The following LIMK1 variants were observed in gnomAD, a reference collection of about 807,000 sequenced individuals.
LIMK1 encodes the protein LIM motif-containing protein kinase.
LIMK1 carries 21 observed loss-of-function variants against 77.6 expected under a neutral mutation model. The ratio of observed to expected loss-of-function variants is 0.27; its 90% CI spans 0.19 to 0.39. The LOEUF is 0.39. Ranked by LOEUF, LIMK1 falls within the 10% of genes least tolerant of loss-of-function variation. The probability of loss-of-function intolerance (pLI) is 1.00; values close to 1 mark genes in which losing one functional copy is unlikely to be tolerated. For synonymous variants in LIMK1, 358 were observed against 370.0 expected (o/e 0.97, Z 0.37); for missense variants, 696 against 901.6 (o/e 0.77, Z 2.92).
chr7:74,111,995 C>A lies in LIMK1; in HGVS notation c.1407C>A (p.Arg469=). ...RDLNSHNCLV[R]ENKNVVVADF... is the part of the protein sequence containing the mutation. The stretch of plus-strand genomic sequence containing the variant: ...TCAACTCCCACAACTGCCTGGTCCG[C>A]GAGGTGAGTACCAGGGCCCCACGTG... Residue 469 remains arginine (R), a synonymous_variant, in exon 12 of 16, where the codon CGC becomes CGA. Transcript: ENST00000336180. 4 of 1,607,836 alleles carry A rather than the reference C, an allele frequency of 2.5e-6. No individual in the cohort carries two copies. The highest frequency in any genetic ancestry group is 2.5e-6 in the Non-Finnish European group (3 of 1,176,814).
chr7:74,085,470 G>A (rs1336730075), intron 1 of LIMK1, among the ~76,000 whole-genome samples: 3 of 152,222 alleles, frequency 2.0e-5, no homozygotes, highest in Non-Finnish European at 4.4e-5. Context: ...CAGATCCAAT[G>A]CTATAGCGGG....
At chr7:74,107,301 T>TAC in intron 8 of LIMK1, 108 bp downstream of exon 8, 2 of 1,246,956 alleles carry the variant, frequency 1.6e-6, no homozygotes, top group Non-Finnish European at 2.2e-6. Flanking sequence ...GCTTCCAGAC[T>TAC]CCCTGGCCAG....
At chr7:74,111,270 C>T (rs1799692786) in intron 10 of LIMK1, 1 of 228,748 alleles carries the variant, frequency 4.4e-6, no homozygotes, top group African/African-American at 2.2e-5. Context: ...AACCCCGTCT[C>T]TACTAAAAAT....
intron 8 of LIMK1, 47 bp downstream of exon 8, chr7:74,107,240 T>G: frequency 6.6e-7 from 1 of 1,522,046 alleles, no homozygotes; most frequent in Non-Finnish European, 8.9e-7. Context: ...GTGGGACCCC[T>G]CCATCCTCCT....
At chr7:74,110,108 A>C (rs1257111437) in intron 10 of LIMK1, 1 of 152,066 alleles carries the variant, frequency 6.6e-6, no homozygotes, top group African/African-American at 2.4e-5. Flanking sequence ...CAAACTTTGG[A>C]AGGCCGAGGC....
At chr7:74,109,187 G>A (rs782611010) in intron 10 of LIMK1, 151 bp downstream of exon 10, 27 of 671,222 alleles carry the variant, frequency 4.0e-5, no homozygotes, top group Middle Eastern at 2.4e-4. Flanking sequence ...AAAGGGGAGC[G>A]ACTGACTCCA....
chr7:74,102,450 A>G (rs1226357334), intron 5 of LIMK1, among the ~76,000 whole-genome samples: 5 of 142,258 alleles, frequency 3.5e-5, no homozygotes, highest in Non-Finnish European at 6.1e-5. Context: ...CTCCCCCACA[A>G]TTATGCTAGA....
chr7:74,093,750 G>T (rs1458148977), intron 2 of LIMK1, among the ~76,000 whole-genome samples: 1 of 152,188 alleles, frequency 6.6e-6, no homozygotes, highest in African/African-American at 2.4e-5. Context: ...CCCCGAGGGA[G>T]TTCCTCTCTG....
chr7:74,112,347 A>T (rs1321864244), intron 12 of LIMK1, among the ~76,000 whole-genome samples: 2 of 152,140 alleles, frequency 1.3e-5, no homozygotes, highest in African/African-American at 4.8e-5. Flanking sequence ...CATGGGCTAC[A>T]CCAGACAGCA....
At chr7:74,099,379 GC>G in intron 5 of LIMK1, 141 bp downstream of exon 5, 1 of 777,086 alleles carries the variant, frequency 1.3e-6, no homozygotes, top group Non-Finnish European at 2.1e-6. Flanking sequence ...AACCTGGTTT[GC>G]CAGATTTCTG....
At chr7:74,084,112 A>G in intron 1 of LIMK1, 67 bp downstream of exon 1, 5 of 891,024 alleles carry the variant, frequency 5.6e-6, no homozygotes, top group Non-Finnish European at 3.3e-6. Context: ...GGGGCACGGG[A>G]GGGGGCCGGG....
chr7:74,111,482 C>T, intron 10 of LIMK1, 166 bp from the exon 11 acceptor site: 1 of 631,052 alleles, frequency 1.6e-6, no homozygotes, highest in African/African-American at 1.8e-5. Context: ...TGTGTTGACT[C>T]ATACTCCTTA....
chr7:74,106,361 G>C, intron 7 of LIMK1, 118 bp downstream of exon 7: 1 of 1,173,092 alleles, frequency 8.5e-7, no homozygotes, highest in East Asian at 2.4e-5. Context: ...CTTGAGCCAG[G>C]GAGGTGGAGG....
chr7:74,099,528 C>T (rs1289445879), intron 5 of LIMK1, among the ~76,000 whole-genome samples: 1 of 151,702 alleles, frequency 6.6e-6, no homozygotes, highest in Admixed American at 6.6e-5. Flanking sequence ...GTCAGGAGTT[C>T]GAGACCAGCC....
chr7:74,106,769 G>A (rs527507047), intron 7 of LIMK1, among the ~76,000 whole-genome samples: 22 of 152,210 alleles, frequency 1.4e-4, no homozygotes, highest in South Asian at 6.2e-4. Flanking sequence ...CAAAAAAAAA[G>A]AGGATGACAG....
Position 74,120,604 on chromosome 7 carries a change from T to C in LIMK1, c.1589T>C (p.Val530Ala). The change falls in exon 14 of 16, where the codon GTG becomes GCG. Residue 530 changes from valine (V) to alanine (A), a missense_variant. Val to Ala is a moderately conservative substitution (Grantham distance 64, BLOSUM62 0). Coordinates refer to ENST00000336180, the MANE Select transcript of LIMK1 (RefSeq NM_002314.4). ...CCAGGCCGCAGCTATGATGAGAAGG[T>C]GGATGTGTTCTCCTTTGGGATCGTC... ...MINGRSYDEK[V>A]DVFSFGIVLC... is the part of the protein sequence containing the mutation. 1 of 1,614,208 alleles carries C rather than the reference T, an allele frequency of 6.2e-7. No individual in the cohort carries two copies. Among genetic ancestry groups the C allele is most frequent in the Non-Finnish European group, 8.5e-7 (1 of 1,180,032 alleles).
intron 2 of LIMK1, among the ~76,000 whole-genome samples, chr7:74,088,069 C>T (rs1799166447): frequency 6.6e-6 from 1 of 152,100 alleles, no homozygotes; most frequent in African/African-American, 2.4e-5. Context: ...GCCACCATGC[C>T]CAGCCTGTTT....
At position 74,121,439 on chromosome 7, in the gene LIMK1, C is replaced by T; in HGVS notation, c.*138C>T. The T allele has an allele frequency of 2.2e-6, 2 of 894,940 alleles. No individual in the cohort carries two copies. The highest frequency in any genetic ancestry group is 1.6e-6 in the Non-Finnish European group (1 of 609,208). The allele number at this position is 894,940 out of a possible 1,614,324, so 55.4% of individuals were successfully genotyped here. ...GAGCCAGGCCCTGACTTGCCTTCTC[C>T]CACCCCGTGGACCGCTTCCCCTGCC... On this transcript the variant is annotated 3_prime_UTR_variant, in exon 16 of 16. Transcript: ENST00000336180.
intron 13 of LIMK1, among the ~76,000 whole-genome samples, chr7:74,119,962 T>C (rs143368234): frequency 2.6e-5 from 4 of 152,264 alleles, no homozygotes; most frequent in African/African-American, 9.6e-5. Context: ...AGCCAGAAGG[T>C]TGAAATCCAA....
Sources: allele counts gnomAD v4.1 joint callset (sites outside exome capture counted in the v4.1 genomes callset), GRCh38; gene constraint gnomAD v4.1.1; transcripts MANE v1.5; gene names NCBI Gene and HGNC (gene_info 2026-07-23, HGNC 2026-07-21).